LOC400499: variants seen among roughly 807,000 people sequenced by gnomAD.
the LOC400499 span, among the ~76,000 whole-genome samples, chr16:11,436,153 C>T: frequency 6.6e-6 from 1 of 152,156 alleles, no homozygotes; most frequent in Non-Finnish European, 1.5e-5. Context: ...AATGGGGAAA[C>T]TGAGGCACTG....
At chr16:11,404,209 G>A in the LOC400499 span, among the ~76,000 whole-genome samples, 2 of 152,134 alleles carry the variant, frequency 1.3e-5, no homozygotes, top group South Asian at 2.1e-4. Flanking sequence ...TTTCCCACTC[G>A]TGGAAATGGT....
At chr16:11,493,068 G>C in the LOC400499 span, among the ~76,000 whole-genome samples, 1 of 152,190 alleles carries the variant, frequency 6.6e-6, no homozygotes, top group Non-Finnish European at 1.5e-5. Flanking sequence ...ATGTGCTGGG[G>C]AGGAGGGATG....
chr16:11,468,050 G>A, the LOC400499 span, among the ~76,000 whole-genome samples: 1 of 151,776 alleles, frequency 6.6e-6, no homozygotes. Flanking sequence ...CCAGGAGCGA[G>A]ACCTAGGTCA....
the LOC400499 span, among the ~76,000 whole-genome samples, chr16:11,451,225 G>C: frequency 2.0e-5 from 3 of 152,198 alleles, no homozygotes; most frequent in Non-Finnish European, 4.4e-5. Context: ...CCTAGTATGA[G>C]AGGATGCTGG....
chr16:11,376,710 T>C, the LOC400499 span, among the ~76,000 whole-genome samples: 8 of 152,208 alleles, frequency 5.3e-5, no homozygotes, highest in Non-Finnish European at 1.0e-4. Context: ...AGGATGGATT[T>C]TTCTATAAGT....
At chr16:11,475,473 T>C in the LOC400499 span, among the ~76,000 whole-genome samples, 31 of 152,364 alleles carry the variant, frequency 2.0e-4, no homozygotes, top group African/African-American at 6.7e-4. Context: ...GATGTCTAAA[T>C]TGATTGAAAC....
the LOC400499 span, among the ~76,000 whole-genome samples, chr16:11,455,754 AAAG>A: frequency 1.3e-5 from 2 of 151,384 alleles, no homozygotes; most frequent in Non-Finnish European, 2.9e-5. Context: ...AAAAAAAAAA[AAAG>A]AAAAAGAGAA....
chr16:11,424,799 T>A, the LOC400499 span, among the ~76,000 whole-genome samples: 1 of 152,144 alleles, frequency 6.6e-6, no homozygotes, highest in South Asian at 2.1e-4. Flanking sequence ...GAGGGCATCC[T>A]TGGGGTCCTG....
chr16:11,475,595 T>C, the LOC400499 span: 4 of 398,918 alleles, frequency 1.0e-5, no homozygotes, highest in Non-Finnish European at 1.8e-5. Context: ...CCCACCTTGG[T>C]ACAATGTCAT....
chr16:11,464,135 T>C, the LOC400499 span, among the ~76,000 whole-genome samples: 3 of 147,042 alleles, frequency 2.0e-5, no homozygotes, highest in Admixed American at 1.4e-4. Context: ...TATGTAAATA[T>C]GGACGTGTGT....
At chr16:11,430,503 GA>G in the LOC400499 span, among the ~76,000 whole-genome samples, 15 of 150,722 alleles carry the variant, frequency 1.0e-4, no homozygotes, top group African/African-American at 3.4e-4. Flanking sequence ...AAAAGAAAAC[GA>G]AAAAAAAGAA....
At chr16:11,373,342 A>AAG in the LOC400499 span, among the ~76,000 whole-genome samples, 6 of 152,154 alleles carry the variant, frequency 3.9e-5, no homozygotes, top group Admixed American at 6.5e-5. Context: ...AACTGTTTAA[A>AAG]AGATGGGTTT....
chr16:11,457,122 G>A, the LOC400499 span: 18 of 1,387,674 alleles, frequency 1.3e-5, no homozygotes, highest in African/African-American at 1.4e-5. Context: ...TGAGGCAGCA[G>A]CGAGCCAAGA....
the LOC400499 span, chr16:11,461,985 T>C: frequency 1.3e-4 from 110 of 841,534 alleles, no homozygotes; most frequent in Admixed American, 2.3e-3. Context: ...CACATGGAGC[T>C]TGGATCTGCC....
the LOC400499 span, among the ~76,000 whole-genome samples, chr16:11,437,073 G>A: frequency 6.6e-6 from 1 of 152,196 alleles, no homozygotes; most frequent in African/African-American, 2.4e-5. Flanking sequence ...TGAAAAGGCT[G>A]CATACTGTAT....
the LOC400499 span, among the ~76,000 whole-genome samples, chr16:11,489,902 G>C: frequency 2.6e-5 from 4 of 152,166 alleles, no homozygotes; most frequent in African/African-American, 9.7e-5. Flanking sequence ...TTAACTCAAG[G>C]GCCAAAGGTA....
chr16:11,517,925 A>G, the LOC400499 span, among the ~76,000 whole-genome samples: 1 of 152,142 alleles, frequency 6.6e-6, no homozygotes, highest in African/African-American at 2.4e-5. Flanking sequence ...TGGGGAACAG[A>G]TATGTTACCA....
the LOC400499 span, chr16:11,383,757 C>G: frequency 9.7e-6 from 12 of 1,232,344 alleles, no homozygotes; most frequent in Non-Finnish European, 1.2e-5. Flanking sequence ...CCTGCACACA[C>G]AGGCTGAGGA....
At chr16:11,441,000 T>C in the LOC400499 span, 41 of 399,088 alleles carry the variant, frequency 1.0e-4, 1 homozygote, top group Admixed American at 1.8e-3. Context: ...CTGAGATCTG[T>C]CATGATGCAA....
Sources: allele counts gnomAD v4.1 joint callset (sites outside exome capture counted in the v4.1 genomes callset), GRCh38; gene constraint gnomAD v4.1.1; transcripts MANE v1.5.